The following SGCZ variants were observed in gnomAD, a reference collection of about 807,000 sequenced individuals.
SGCZ encodes the protein zeta-sarcoglycan.
Under a neutral mutation model 41.3 loss-of-function variants are expected in SGCZ, and 40 were observed. That is an observed-to-expected ratio of 0.97 (90% CI 0.75 to 1.26). The LOEUF (loss-of-function observed/expected upper bound fraction) is 1.26, where lower values mean the gene tolerates loss of function less well. Among genes scored for constraint, SGCZ ranks in the 50% most tolerant of loss-of-function variants. SGCZ has a pLI of 0.00. For missense variants in SGCZ, 552 were observed against 369.8 expected (o/e 1.49, Z -4.04); for synonymous variants, 206 against 137.5 (o/e 1.50, Z -3.49).
At chr8:14,766,335 G>T (rs891355044) in intron 1 of SGCZ, among the ~76,000 whole-genome samples, 5 of 152,048 alleles carry the variant, frequency 3.3e-5, no homozygotes, top group Admixed American at 6.6e-5. Context: ...TTGACTTGGG[G>T]TATAGTTTAG....
At chr8:14,120,347 G>T (rs1435287600) in intron 5 of SGCZ, among the ~76,000 whole-genome samples, 1 of 152,154 alleles carries the variant, frequency 6.6e-6, no homozygotes, top group Non-Finnish European at 1.5e-5. Flanking sequence ...TTTAGGAAAT[G>T]AGAACAGAAG....
intron 1 of SGCZ, among the ~76,000 whole-genome samples, chr8:14,561,704 A>G (rs1413539139): frequency 6.6e-6 from 1 of 152,124 alleles, no homozygotes; most frequent in African/African-American, 2.4e-5. Flanking sequence ...CATTGCTTAT[A>G]TTACTTTAAA....
At chr8:14,786,611 G>T (rs141860225) in intron 1 of SGCZ, among the ~76,000 whole-genome samples, 51 of 152,154 alleles carry the variant, frequency 3.4e-4, no homozygotes, top group African/African-American at 1.2e-3. Context: ...CACTGTCTCA[G>T]AAAAGAGATG....
At chr8:14,149,162 C>G (rs1012373579) in intron 5 of SGCZ, among the ~76,000 whole-genome samples, 1 of 152,038 alleles carries the variant, frequency 6.6e-6, no homozygotes, top group African/African-American at 2.4e-5. Flanking sequence ...TGTTATTCAC[C>G]ATAGTACTGG....
At chr8:14,377,629 C>T (rs375921382) in intron 2 of SGCZ, among the ~76,000 whole-genome samples, 13 of 151,802 alleles carry the variant, frequency 8.6e-5, no homozygotes, top group African/African-American at 2.7e-4. Flanking sequence ...GCTGCACCCA[C>T]TAACTCGTCA....
At chr8:14,285,242 C>T (rs1327282046) in intron 3 of SGCZ, among the ~76,000 whole-genome samples, 7 of 152,100 alleles carry the variant, frequency 4.6e-5, no homozygotes, top group African/African-American at 1.7e-4. Context: ...CTTCTGGAGG[C>T]TTCAGAGCTT....
intron 1 of SGCZ, among the ~76,000 whole-genome samples, chr8:14,636,212 T>C (rs78041224): frequency 6.6e-6 from 1 of 151,834 alleles, no homozygotes; most frequent in Non-Finnish European, 1.5e-5. Context: ...AGCTGAATTT[T>C]GTTATAGAGA....
At chr8:14,377,990 A>C (rs568217010) in intron 2 of SGCZ, among the ~76,000 whole-genome samples, 2 of 149,862 alleles carry the variant, frequency 1.3e-5, no homozygotes, top group East Asian at 1.9e-4. Flanking sequence ...CAATAAACAT[A>C]CGTGTGCATG....
chr8:14,315,966 C>A (rs1896212), intron 3 of SGCZ, among the ~76,000 whole-genome samples: 1 of 151,738 alleles, frequency 6.6e-6, no homozygotes, highest in Non-Finnish European at 1.5e-5. Context: ...AAATTTTGTA[C>A]GAATACAAAA....
intron 1 of SGCZ, among the ~76,000 whole-genome samples, chr8:14,994,182 G>T (rs1802126101): frequency 6.6e-6 from 1 of 152,092 alleles, no homozygotes; most frequent in Admixed American, 6.6e-5. Flanking sequence ...AGCATTCTCT[G>T]ATCTCCCCAC....
intron 1 of SGCZ, among the ~76,000 whole-genome samples, chr8:14,729,998 T>C (rs979773539): frequency 1.3e-5 from 2 of 152,088 alleles, no homozygotes; most frequent in African/African-American, 4.8e-5. Context: ...GGCAGGAGAA[T>C]TGCTTGAACC....
At chr8:14,900,852 G>C (rs1369575845) in intron 1 of SGCZ, among the ~76,000 whole-genome samples, 2 of 152,014 alleles carry the variant, frequency 1.3e-5, no homozygotes, top group Admixed American at 6.6e-5. Context: ...TCCCATATTG[G>C]CCTACTATAG....
intron 1 of SGCZ, among the ~76,000 whole-genome samples, chr8:15,164,018 G>A (rs1250760940): frequency 6.6e-6 from 1 of 152,190 alleles, no homozygotes; most frequent in African/African-American, 2.4e-5. Flanking sequence ...TGGCCGCCGG[G>A]AAGCGCTCTA....
At chr8:14,925,138 G>GT (rs1799708590) in intron 1 of SGCZ, among the ~76,000 whole-genome samples, 1 of 152,102 alleles carries the variant, frequency 6.6e-6, no homozygotes, top group Non-Finnish European at 1.5e-5. Flanking sequence ...GATTATAGGC[G>GT]TGAGGCACCA....
chr8:14,285,695 G>T (rs1237617705), intron 3 of SGCZ, among the ~76,000 whole-genome samples: 2 of 152,066 alleles, frequency 1.3e-5, no homozygotes, highest in African/African-American at 2.4e-5. Flanking sequence ...GTGGATAGTT[G>T]TACAGAAACC....
At chr8:15,192,188 T>A (rs963663662) in intron 1 of SGCZ, among the ~76,000 whole-genome samples, 4 of 152,094 alleles carry the variant, frequency 2.6e-5, no homozygotes, top group Admixed American at 6.5e-5. Flanking sequence ...ATTTTGTTCC[T>A]GAATCCCCCT....
chr8:14,721,409 A>T (rs143951235), intron 1 of SGCZ, among the ~76,000 whole-genome samples: 182 of 152,294 alleles, frequency 1.2e-3, no homozygotes, highest in African/African-American at 4.2e-3. Flanking sequence ...TTTATCTGAA[A>T]ACCTGATCCT....
intron 5 of SGCZ, among the ~76,000 whole-genome samples, chr8:14,119,731 A>C (rs1479374550): frequency 6.6e-6 from 1 of 152,096 alleles, no homozygotes; most frequent in Non-Finnish European, 1.5e-5. Flanking sequence ...TTTGAGATAC[A>C]TTCCATCAAT....
intron 1 of SGCZ, among the ~76,000 whole-genome samples, chr8:15,097,885 T>TAC (rs1806436058): frequency 5.1e-5 from 1 of 19,680 alleles, no homozygotes; most frequent in East Asian, 1.9e-3. Context: ...TATATATACG[T>TAC]GTGTATATAT....
Sources: allele counts gnomAD v4.1 joint callset (sites outside exome capture counted in the v4.1 genomes callset), GRCh38; gene constraint gnomAD v4.1.1; transcripts MANE v1.5; gene names NCBI Gene and HGNC (gene_info 2026-07-23, HGNC 2026-07-21).